EPB41L1: variants seen among roughly 807,000 people sequenced by gnomAD.
EPB41L1 encodes erythrocyte membrane protein band 4.1 like 1, also known as band 4.1-like protein 1.
A neutral mutation model predicts 97.8 loss-of-function variants in EPB41L1; 29 were observed. The ratio of observed to expected loss-of-function variants is 0.30; its 90% CI spans 0.22 to 0.40. The LOEUF is 0.40. EPB41L1 is among the 10% of genes least tolerant of loss of function. The pLI is 1.00. For synonymous variants in EPB41L1, 383 were observed against 459.2 expected (o/e 0.83, Z 2.12); for missense variants, 812 against 1,162.3 (o/e 0.70, Z 4.38).
At position 36,209,607 on chromosome 20, in the gene EPB41L1, C is replaced by T. The variant is rs1477567990; in HGVS notation, c.1788C>T (p.Asp596=). ...DQERDTVFLK[D]NHLAIERKCS... is the part of the protein sequence containing the mutation. ...AGAGGGACACGGTGTTCCTGAAGGA[C>T]AACCACCTGGCCATTGAGCGCAAGT... Residue 596 remains aspartate (D), a synonymous_variant, in exon 15 of 22, where the codon GAC becomes GAT. Transcript: ENST00000338074. This position sits in a 1 kb window ranked among gnomAD's most constrained non-coding sequence, Gnocchi z 4.2. The T allele has an allele frequency of 7.4e-6, 12 of 1,614,152 alleles. 1 individual carries two copies. The Middle Eastern group carries it at 4.9e-4, about 67-fold the overall frequency.
intron 1 of EPB41L1, among the ~76,000 whole-genome samples, chr20:36,111,176 T>C (rs929456402): frequency 2.6e-5 from 4 of 152,224 alleles, no homozygotes; most frequent in African/African-American, 9.6e-5. Context: ...TGACTTGCCC[T>C]GGGCCACATA....
chr20:36,220,338 A>G (rs2063710660), intron 19 of EPB41L1, among the ~76,000 whole-genome samples: 1 of 152,224 alleles, frequency 6.6e-6, no homozygotes, highest in South Asian at 2.1e-4. Flanking sequence ...GTGAGTGTCA[A>G]CTTTGTGTTA....
intron 1 of EPB41L1, among the ~76,000 whole-genome samples, chr20:36,158,311 A>T (rs1318254407): frequency 6.6e-6 from 1 of 152,172 alleles, no homozygotes; most frequent in Non-Finnish European, 1.5e-5. Context: ...GCTGGGAGAG[A>T]TGCAGACATG....
At chr20:36,104,769 C>T (rs1666675710) in intron 1 of EPB41L1, among the ~76,000 whole-genome samples, 1 of 152,190 alleles carries the variant, frequency 6.6e-6, no homozygotes, top group Admixed American at 6.5e-5. Flanking sequence ...ATCTCTGAAT[C>T]CACCTCCCTC....
chr20:36,108,675 AAAAAT>A (rs1316059474), intron 1 of EPB41L1, among the ~76,000 whole-genome samples: 1 of 152,192 alleles, frequency 6.6e-6, no homozygotes, highest in Non-Finnish European at 1.5e-5. Flanking sequence ...CTCTGACTCA[AAAAAT>A]AAAATAAAAT....
chr20:36,173,992 A>G (rs1178960489), intron 2 of EPB41L1, 38 bp downstream of exon 2: 18 of 1,587,406 alleles, frequency 1.1e-5, no homozygotes, highest in East Asian at 2.3e-5. Flanking sequence ...TTTCCTGCCC[A>G]GACCGTCCTC....
At chr20:36,170,435 T>C (rs1360850050) in intron 1 of EPB41L1, among the ~76,000 whole-genome samples, 2 of 152,254 alleles carry the variant, frequency 1.3e-5, no homozygotes, top group African/African-American at 4.8e-5. Flanking sequence ...AGAGATAATC[T>C]GTACAAACTA....
intron 2 of EPB41L1, among the ~76,000 whole-genome samples, chr20:36,129,953 T>TG (rs962920950): frequency 1.3e-5 from 2 of 150,046 alleles, no homozygotes; most frequent in Non-Finnish European, 3.0e-5. Context: ...TTTTGTTTTT[T>TG]TTTTTTGAGA....
intron 11 of EPB41L1, among the ~76,000 whole-genome samples, chr20:36,191,457 T>G (rs1166205748): frequency 6.6e-6 from 1 of 152,140 alleles, no homozygotes; most frequent in Non-Finnish European, 1.5e-5. Context: ...GGGCTTAAAA[T>G]GTGGTGCACA....
chr20:36,105,516 T>C (rs1601233639), intron 1 of EPB41L1, among the ~76,000 whole-genome samples: 1 of 152,298 alleles, frequency 6.6e-6, no homozygotes. Flanking sequence ...CCTTAATTTG[T>C]TGATGAAAAA....
In EPB41L1 at chr20:36,230,546, G is replaced by A. The variant is rs1226615699; in HGVS notation, c.*1206G>A. The A allele has an allele frequency of 1.3e-5, 2 of 152,490 alleles. No individual in the cohort carries two copies. The highest frequency in any genetic ancestry group is 2.9e-5 in the Non-Finnish European group (2 of 68,180). The allele number at this position is 152,490 out of a possible 1,614,324, so 9.4% of individuals were successfully genotyped here. On this transcript the variant is annotated 3_prime_UTR_variant, in exon 22 of 22. Transcript: ENST00000338074. ...GGGTGGGGGGCCCTAATGGAGAGGTGTGGGTTTGGCAAGAAAGAAGCAACA... is the reference window on the plus strand; with the variant it reads ...GGGTGGGGGGCCCTAATGGAGAGGTATGGGTTTGGCAAGAAAGAAGCAACA...
At chr20:36,220,451 G>T (rs1023131692) in intron 19 of EPB41L1, among the ~76,000 whole-genome samples, 11 of 152,126 alleles carry the variant, frequency 7.2e-5, no homozygotes, top group Non-Finnish European at 1.3e-4. Context: ...GTTGCACTGG[G>T]GGCAGGGAGG....
Position 36,212,493 on chromosome 20 carries a change from C to T in EPB41L1, c.2184+117C>T, listed in dbSNP as rs776212636. On this transcript the variant is annotated intron_variant, in intron 16 of 21. Transcript: ENST00000338074. The surrounding 1 kb of genome is among the most constrained non-coding windows in gnomAD (Gnocchi z 4.8). ...CTTTTAATCTCAGCTTCCCTGGAAC[C>T]CATATGTTAATCCTGATGCTCTCCT... 2.4e-6 allele frequency: 2 copies of T among 843,640 alleles called. No homozygotes were observed. The highest frequency in any genetic ancestry group is 3.9e-6 in the Non-Finnish European group (2 of 513,346). The allele number at this position is 843,640 out of a possible 1,614,324, so 52.3% of individuals were successfully genotyped here.
At chr20:36,147,051 G>A (rs541646040) in intron 2 of EPB41L1, among the ~76,000 whole-genome samples, 4 of 152,148 alleles carry the variant, frequency 2.6e-5, no homozygotes, top group African/African-American at 9.6e-5. Context: ...GGGGGCTGAG[G>A]TAGGAGGATT....
At chr20:36,216,410 G>A (rs935452476) in intron 17 of EPB41L1, among the ~76,000 whole-genome samples, 5 of 152,134 alleles carry the variant, frequency 3.3e-5, no homozygotes, top group Non-Finnish European at 5.9e-5. Flanking sequence ...GGGAAGAGCT[G>A]GAAAGGAAGG....
chr20:36,210,648 T>TG (rs748081928), intron 15 of EPB41L1, among the ~76,000 whole-genome samples: 10 of 152,092 alleles, frequency 6.6e-5, no homozygotes, highest in Non-Finnish European at 1.5e-4. Context: ...CTTACAAACC[T>TG]ATCATGTTCC....
At chr20:36,178,168 C>A in intron 4 of EPB41L1, 112 bp downstream of exon 4, 1 of 843,592 alleles carries the variant, frequency 1.2e-6, no homozygotes, top group Non-Finnish European at 2.0e-6. Context: ...CTTCTGTTTG[C>A]GTGTCCCCAA....
chr20:36,168,984 T>G (rs191371445), intron 1 of EPB41L1, among the ~76,000 whole-genome samples: 1 of 151,518 alleles, frequency 6.6e-6, no homozygotes. Flanking sequence ...TCCTAGCACT[T>G]TGGGAGGCCA....
intron 1 of EPB41L1, among the ~76,000 whole-genome samples, chr20:36,164,673 T>A (rs991836187): frequency 6.6e-6 from 1 of 152,104 alleles, no homozygotes; most frequent in Non-Finnish European, 1.5e-5. Context: ...TATTCACTTT[T>A]TATTTATTTA....
Sources: gnomAD v4.1 joint callset for allele counts (sites outside exome capture counted in the v4.1 genomes callset) on GRCh38, gnomAD v4.1.1 for gene constraint, Gnocchi (gnomAD v3.1) non-coding constraint, MANE v1.5 for transcripts, NCBI Gene and HGNC (gene_info 2026-07-23, HGNC 2026-07-21) for gene names.